The following CEP104 variants were observed in gnomAD, a reference collection of about 807,000 sequenced individuals.
CEP104 encodes the protein centrosomal protein 104.
A neutral mutation model predicts 113.3 loss-of-function variants in CEP104; 84 were observed. The ratio of observed to expected loss-of-function variants is 0.74; its 90% CI spans 0.62 to 0.89. The LOEUF (loss-of-function observed/expected upper bound fraction) is 0.89. Ranked by LOEUF, CEP104 falls within the 40% of genes least tolerant of loss-of-function variation. The pLI, the probability that CEP104 is intolerant of heterozygous loss-of-function variation, is 0.00. For missense variants in CEP104, 1,053 were observed against 1,156.6 expected, an observed-to-expected ratio of 0.91 and a Z score of 1.30; for synonymous variants, 378 against 421.7, an observed-to-expected ratio of 0.90 and a Z score of 1.27.
At chr1:3,825,958 C>A in intron 17 of CEP104, 92 bp from the exon 18 acceptor site, 1 of 884,490 alleles carries the variant, frequency 1.1e-6, no homozygotes, top group South Asian at 1.4e-5. Context: ...TCTGAATTTC[C>A]CCAGTCCCTG....
intron 2 of CEP104, among the ~76,000 whole-genome samples, chr1:3,849,569 T>A (rs1644573369): frequency 6.6e-6 from 1 of 152,068 alleles, no homozygotes; most frequent in Admixed American, 6.5e-5. Context: ...AAGAGTTGGG[T>A]AGAGAATCAC....
rs1422662731 is a variant in CEP104 at position 3,836,393 on chromosome 1, G to A, written c.1317+102C>T. ...ACAATATTACAAATGCAAAGCCGTG[G>A]GCGTTTTCCCTCCTTTATGTGTAAG... On this transcript the variant is annotated intron_variant, in intron 10 of 21. Coordinates refer to ENST00000378230, the MANE Select transcript of CEP104 (RefSeq NM_014704.4). 11 of 1,181,478 alleles carry A rather than the reference G, an allele frequency of 9.3e-6. No individual in the cohort carries two copies. The Admixed American group carries it at 2.7e-4, about 29-fold the overall frequency. 73.2% of individuals were successfully genotyped at this position (1,181,478 alleles called of 1,614,324 possible). A position where few individuals can be genotyped will look rare whatever the true frequency, so the allele number is the denominator to read the frequency against.
intron 18 of CEP104, among the ~76,000 whole-genome samples, chr1:3,825,022 C>T: frequency 1.9e-5 from 1 of 52,254 alleles, no homozygotes; most frequent in Non-Finnish European, 3.6e-5. Context: ...GGCAGTGGCA[C>T]TGTGGGAAGG....
chr1:3,844,556 G>C (rs1372042533), intron 6 of CEP104, among the ~76,000 whole-genome samples: 1 of 151,840 alleles, frequency 6.6e-6, no homozygotes, highest in Non-Finnish European at 1.5e-5. Context: ...AAATTAGCTG[G>C]GCATGATGGC....
In CEP104 at chr1:3,836,478, T is replaced by TG. The variant is rs764410748; in HGVS notation, c.1317+16_1317+17insC. On this transcript the variant is annotated intron_variant, in intron 10 of 21. Coordinates refer to ENST00000378230, the MANE Select transcript of CEP104 (RefSeq NM_014704.4). ...CCCCTCTGCCACCCCGTTTTTTTTT[T>TG]TTTTTTTTTTTTTTACCAAGGTTTC... 5.5e-6 allele frequency: 8 copies of TG among 1,457,274 alleles called. No individual in the cohort carries two copies. In the Admixed American group the frequency reaches 1.2e-4, roughly 22 times the overall value. 90.3% of individuals were successfully genotyped at this position (1,457,274 alleles called of 1,614,324 possible). A position where few individuals can be genotyped will look rare whatever the true frequency, so the allele number is the denominator to read the frequency against.
chr1:3,837,327 AC>A lies in CEP104; in HGVS notation c.1083del (p.Leu362TyrfsTer39). 6.2e-7 allele frequency: 1 copy of A among 1,613,900 alleles called. No homozygotes were observed. Among genetic ancestry groups the A allele is most frequent in the Middle Eastern group, 1.6e-4 (1 of 6,062 alleles). On this transcript the variant is annotated frameshift_variant, in exon 9 of 22. Coordinates refer to ENST00000378230, the MANE Select transcript of CEP104 (RefSeq NM_014704.4). LOFTEE classifies it high-confidence loss of function. ...GGATGAGGATCTGTGGCAGGGAGTAACGGGTCTACTGCAGAATGCTGAGGAG... is the reference window on the plus strand; with the variant it reads ...GGATGAGGATCTGTGGCAGGGAGTAAGGGTCTACTGCAGAATGCTGAGGAG... ...TISPQHSAVD[P>X]LLPATDPHPK...
At chr1:3,824,901 G>A (rs1326232838) in intron 18 of CEP104, among the ~76,000 whole-genome samples, 58 of 147,218 alleles carry the variant, frequency 3.9e-4, no homozygotes, top group Non-Finnish European at 7.1e-4. Context: ...TGGGAAGGGG[G>A]CAGTGGCACT....
chr1:3,852,678 T>C (rs570946058), intron 1 of CEP104, among the ~76,000 whole-genome samples: 66 of 152,348 alleles, frequency 4.3e-4, no homozygotes, highest in African/African-American at 1.5e-3. Context: ...GTGCTGTGGA[T>C]TGTGCTCCCC....
chr1:3,846,685 T>C (rs1197122872), intron 4 of CEP104, among the ~76,000 whole-genome samples: 3 of 152,202 alleles, frequency 2.0e-5, no homozygotes, highest in Non-Finnish European at 2.9e-5. Flanking sequence ...TGGCGTGTTA[T>C]GCTGCAAGGG....
At position 3,848,751 on chromosome 1, in the gene CEP104, A is replaced by G; in HGVS notation, c.144T>C (p.Leu48=). 1 of 1,610,556 alleles carries G rather than the reference A, an allele frequency of 6.2e-7. No homozygotes were observed. The highest frequency in any genetic ancestry group is 8.5e-7 in the Non-Finnish European group (1 of 1,179,138). The change falls in exon 3 of 22, where the codon CTT becomes CTC. Residue 48 remains leucine, a synonymous_variant. Transcript: ENST00000378230. The part of the protein sequence containing the change: ...RFCQFPQEIV[L]QMVERCRIRK... ...TTATTCGACATCTCTCCACCATTTG[A>G]AGGACAATTTCTTGTGGAAACTGGC...
intron 4 of CEP104, among the ~76,000 whole-genome samples, chr1:3,847,060 G>A (rs1557689798): frequency 6.6e-6 from 1 of 152,144 alleles, no homozygotes; most frequent in Non-Finnish European, 1.5e-5. Flanking sequence ...TAGGATGTGA[G>A]CCACATATGT....
Position 3,815,369 on chromosome 1 carries a change from C to A in CEP104, c.*33G>T, listed in dbSNP as rs751858907. ...TGTAGAATCAGGAGACCCGCTCCAT[C>A]CCTCACAGAGACCAAGGAGCCCGAG... On this transcript the variant is annotated 3_prime_UTR_variant, in exon 22 of 22. Coordinates refer to ENST00000378230, the MANE Select transcript of CEP104 (RefSeq NM_014704.4). 6.8e-6 allele frequency: 10 copies of A among 1,474,780 alleles called. No homozygotes were observed. The Admixed American group carries it at 1.8e-4, about 27-fold the overall frequency. The allele number at this position is 1,474,780 out of a possible 1,614,324, so 91.4% of individuals were successfully genotyped here. A position where few individuals can be genotyped will look rare whatever the true frequency, so the allele number is the denominator to read the frequency against.
intron 5 of CEP104, 74 bp downstream of exon 5, chr1:3,845,215 T>C: frequency 9.4e-7 from 1 of 1,062,784 alleles, no homozygotes. Flanking sequence ...ACACATTTTT[T>C]GGGTGAAAAT....
intron 12 of CEP104, 126 bp downstream of exon 12, chr1:3,833,736 G>T: frequency 1.2e-6 from 1 of 867,150 alleles, no homozygotes; most frequent in East Asian, 2.6e-5. Flanking sequence ...AAAGTGTGAT[G>T]GTGAATCCCT....
rs1376184708 is a variant in CEP104, at chr1:3,823,121, C to T, written c.2571+53G>A. On this transcript the variant is annotated intron_variant, in intron 20 of 21. Transcript: ENST00000378230. This position sits in a 1 kb window ranked among gnomAD's most constrained non-coding sequence, Gnocchi z 4.1. ...ACACCACCACTGTCACCACCACTGCCATCCACAGGTGTGTCACCTACTTCA... is the reference window on the plus strand; with the variant it reads ...ACACCACCACTGTCACCACCACTGCTATCCACAGGTGTGTCACCTACTTCA... 3.9e-6 allele frequency: 6 copies of T among 1,533,398 alleles called. No homozygotes were observed. Among genetic ancestry groups the T allele is most frequent in the Non-Finnish European group, 5.4e-6 (6 of 1,107,986 alleles). 95.0% of individuals were successfully genotyped at this position (1,533,398 alleles called of 1,614,324 possible).
chr1:3,854,565 T>G (rs965848645), intron 1 of CEP104, among the ~76,000 whole-genome samples: 1 of 151,682 alleles, frequency 6.6e-6, no homozygotes, highest in Non-Finnish European at 1.5e-5. Context: ...GTCTCCCTGG[T>G]TCATGTGATT....
At chr1:3,818,931 T>C (rs1643920583) in intron 20 of CEP104, among the ~76,000 whole-genome samples, 1 of 152,180 alleles carries the variant, frequency 6.6e-6, no homozygotes, top group Admixed American at 6.5e-5. Context: ...CCCTTCCTAT[T>C]CTGAAGGCTA....
chr1:3,835,120 G>C, intron 10 of CEP104, 28 bp from the exon 11 acceptor site: 1 of 1,599,760 alleles, frequency 6.3e-7, no homozygotes, highest in Non-Finnish European at 8.5e-7. Context: ...GCATTTCATG[G>C]CATCACACAA....
chr1:3,834,794 T>A, intron 11 of CEP104, 131 bp downstream of exon 11: 1 of 742,828 alleles, frequency 1.3e-6, no homozygotes, highest in Non-Finnish European at 2.2e-6. Context: ...TTCTTAGTGA[T>A]TCTATTGAGT....
Sources: gnomAD v4.1 joint callset for allele counts (sites outside exome capture counted in the v4.1 genomes callset) on GRCh38, gnomAD v4.1.1 for gene constraint, Gnocchi (gnomAD v3.1) non-coding constraint, MANE v1.5 for transcripts, NCBI Gene and HGNC (gene_info 2026-07-23, HGNC 2026-07-21) for gene names.